The following NLGN4X variants were observed in gnomAD, a reference collection of about 807,000 sequenced individuals.
NLGN4X encodes the protein neuroligin-4, X-linked.
Under a neutral mutation model 40.3 loss-of-function variants are expected in NLGN4X, and 3 were observed. That is an observed-to-expected ratio of 0.07 (90% CI 0.03 to 0.19). The LOEUF (loss-of-function observed/expected upper bound fraction) is 0.19, where lower values mean the gene tolerates loss of function less well. Ranked by LOEUF, NLGN4X falls within the 10% of genes least tolerant of loss-of-function variation. The pLI is 1.00. For missense variants in NLGN4X, 382 were observed against 708.3 expected (o/e 0.54, Z 5.23); for synonymous variants, 270 against 306.8 (o/e 0.88, Z 1.25).
chrX:6,156,235 C>T (rs186428065), intron 1 of NLGN4X, among the ~76,000 whole-genome samples: 122 of 110,853 alleles, frequency 1.1e-3, no homozygotes, highest in African/African-American at 3.6e-3. Context: ...AATCAGCCGG[C>T]GCGGTGGCTC....
chrX:6,139,742 T>C (rs1235926433), intron 2 of NLGN4X, among the ~76,000 whole-genome samples: 1 of 112,032 alleles, frequency 8.9e-6, no homozygotes, highest in Non-Finnish European at 1.9e-5. Flanking sequence ...CACATATCAA[T>C]GGGGCTTTCC....
At chrX:6,098,818 A>T (rs1384517230) in intron 2 of NLGN4X, among the ~76,000 whole-genome samples, 6 of 111,891 alleles carry the variant, frequency 5.4e-5, no homozygotes, top group Non-Finnish European at 1.1e-4. Context: ...CGTTCTCAAT[A>T]TCAATATGTA....
At chrX:6,166,048 C>A (rs1457549111) in intron 1 of NLGN4X, among the ~76,000 whole-genome samples, 1 of 111,790 alleles carries the variant, frequency 8.9e-6, no homozygotes, top group East Asian at 2.8e-4. Flanking sequence ...AGTTTCACTA[C>A]CATGCACTGA....
rs1159831639 is a variant in NLGN4X, at chrX:6,225,009, TATAC to T, written c.-306+3528_-306+3531del. ...ATATATATATATATATATATATATATATACACACACACACACATATATGTAGAAA... is the reference window on the plus strand; with the variant it reads ...ATATATATATATATATATATATATATACACACACACACATATATGTAGAAA... On this transcript the variant is annotated intron_variant, in intron 1 of 5. Transcript: ENST00000381095. 3.3e-3 allele frequency among the ~76,000 whole-genome samples: 162 copies of T among 48,410 alleles called. 1 individual carries two copies. Among genetic ancestry groups the T allele is most frequent in the Middle Eastern group, 0.011 (1 of 94 alleles). 42.0% of individuals were successfully genotyped at this position (48,410 alleles called of 115,157 possible). A position where few individuals can be genotyped will look rare whatever the true frequency, so the allele number is the denominator to read the frequency against.
intron 2 of NLGN4X, among the ~76,000 whole-genome samples, chrX:6,095,102 CGTGTGT>C (rs56285921): frequency 0.17 from 14,546 of 87,922 alleles, 965 homozygotes; most frequent in South Asian, 0.25. Context: ...TACGTGCGTG[CGTGTGT>C]GTGTGTGTGT....
intron 2 of NLGN4X, among the ~76,000 whole-genome samples, chrX:6,113,639 T>C (rs1361480928): frequency 9.3e-6 from 1 of 107,716 alleles, no homozygotes; most frequent in Non-Finnish European, 1.9e-5. Context: ...CTCGTTGCAA[T>C]GCCCTGGCTT....
chrX:6,179,153 T>C (rs1389287077), intron 1 of NLGN4X, among the ~76,000 whole-genome samples: 2 of 49,491 alleles, frequency 4.0e-5, no homozygotes, highest in Admixed American at 2.1e-4. Flanking sequence ...TTGACCTTTT[T>C]TGGTAGGGGA....
chrX:5,921,391 CAGAGAGAGAG>C (rs56879029), intron 3 of NLGN4X, among the ~76,000 whole-genome samples: 582 of 53,084 alleles, frequency 0.011, 4 homozygotes, highest in African/African-American at 0.023. Context: ...GAAAATGAAC[CAGAGAGAGAG>C]AGAGAGAGAG....
chrX:6,067,822 T>C (rs1364345201), intron 2 of NLGN4X, among the ~76,000 whole-genome samples: 1 of 111,565 alleles, frequency 9.0e-6, no homozygotes, highest in Non-Finnish European at 1.9e-5. Flanking sequence ...ATGATGACCT[T>C]CCTCAGTGGT....
At chrX:5,954,628 G>C (rs925400815) in intron 3 of NLGN4X, among the ~76,000 whole-genome samples, 2 of 87,981 alleles carry the variant, frequency 2.3e-5, no homozygotes, top group African/African-American at 4.4e-5. Flanking sequence ...GTCTCTCTCT[G>C]TCTCTGTCTC....
intron 2 of NLGN4X, among the ~76,000 whole-genome samples, chrX:6,067,805 C>T (rs750788193): frequency 2.7e-5 from 3 of 111,494 alleles, no homozygotes; most frequent in East Asian, 5.7e-4. Flanking sequence ...GTTAAATAAA[C>T]GCTGCAATGA....
chrX:6,210,628 CTG>C (rs1924517558), intron 1 of NLGN4X, among the ~76,000 whole-genome samples: 1 of 112,125 alleles, frequency 8.9e-6, no homozygotes, highest in Non-Finnish European at 1.9e-5. Context: ...TAACTTAAGA[CTG>C]TGCATTACGG....
intron 3 of NLGN4X, among the ~76,000 whole-genome samples, chrX:5,965,673 C>T (rs757741594): frequency 8.9e-6 from 1 of 111,889 alleles, no homozygotes; most frequent in African/African-American, 3.2e-5. Context: ...TTCCCAGCCA[C>T]ACTCCTTATG....
At chrX:6,023,042 C>G (rs944445408) in intron 3 of NLGN4X, among the ~76,000 whole-genome samples, 1 of 111,289 alleles carries the variant, frequency 9.0e-6, no homozygotes, top group African/African-American at 3.3e-5. Flanking sequence ...CGCAATCTAC[C>G]CTCAGATGAA....
At chrX:5,984,869 T>TA (rs1391700878) in intron 3 of NLGN4X, among the ~76,000 whole-genome samples, 2 of 112,145 alleles carry the variant, frequency 1.8e-5, no homozygotes. Flanking sequence ...ATATTTTAGA[T>TA]CACCGATAGA....
In NLGN4X at chrX:6,123,218, T is replaced by G. The variant is rs183671007; in HGVS notation, c.472+27777A>C. Among the ~76,000 whole-genome samples, 368 of 111,619 alleles carry G rather than the reference T, an allele frequency of 3.3e-3. 1 individual carries two copies. Among genetic ancestry groups the G allele is most frequent in the Non-Finnish European group, 5.1e-3 (270 of 53,096 alleles). On this transcript the variant is annotated intron_variant, in intron 2 of 5. Transcript: ENST00000381095. ...GTACCTCAAATGTAAACAAAATATG[T>G]CTAATTTTTCCAAGGAGAAAAAGCA...
At chrX:5,926,373 T>C (rs1181489481) in intron 3 of NLGN4X, among the ~76,000 whole-genome samples, 1 of 110,315 alleles carries the variant, frequency 9.1e-6, no homozygotes, top group East Asian at 2.9e-4. Context: ...TAATTTGGAG[T>C]TTCACAAAAT....
intron 1 of NLGN4X, among the ~76,000 whole-genome samples, chrX:6,214,718 G>T (rs80276798): frequency 7.5e-4 from 83 of 111,206 alleles, no homozygotes; most frequent in African/African-American, 2.6e-3. Context: ...AACATAGTGA[G>T]ACCCCGTCTC....
chrX:6,180,045 T>C (rs1231944729), intron 1 of NLGN4X, among the ~76,000 whole-genome samples: 2 of 110,709 alleles, frequency 1.8e-5, no homozygotes, highest in Non-Finnish European at 3.8e-5. Context: ...TTCTAGTTTT[T>C]AGTACATTTA....
Sources: allele counts gnomAD v4.1 joint callset (sites outside exome capture counted in the v4.1 genomes callset), GRCh38; gene constraint gnomAD v4.1.1; transcripts MANE v1.5; gene names NCBI Gene and HGNC (gene_info 2026-07-23, HGNC 2026-07-21).